Variants in NTNG1 observed in about 807,000 individuals in gnomAD.
NTNG1 encodes netrin-G1.
Under a neutral mutation model 54.0 loss-of-function variants are expected in NTNG1, and 16 were observed. The ratio of observed to expected loss-of-function variants is 0.30; its 90% CI spans 0.20 to 0.45. NTNG1 has a LOEUF of 0.45. Among genes scored for constraint, NTNG1 ranks in the 20% least tolerant of loss-of-function variants. NTNG1 has a pLI of 1.00. For synonymous variants in NTNG1, 255 were observed against 263.1 expected (o/e 0.97, Z 0.30); for missense variants, 530 against 678.7 (o/e 0.78, Z 2.43).
chr1:107,214,753 C>T (rs796916357), intron 2 of NTNG1, among the ~76,000 whole-genome samples: 7 of 149,840 alleles, frequency 4.7e-5, no homozygotes, highest in Admixed American at 1.3e-4. Flanking sequence ...CCACCAGCAG[C>T]GTAAAAGTGT....
At chr1:107,382,769 C>A (rs975204062) in intron 3 of NTNG1, among the ~76,000 whole-genome samples, 19 of 151,914 alleles carry the variant, frequency 1.3e-4, no homozygotes, top group Non-Finnish European at 8.8e-5. Flanking sequence ...CTTTTCCTCT[C>A]TCTCTCTCTC....
chr1:107,443,640 T>C (rs1048851022), intron 7 of NTNG1, among the ~76,000 whole-genome samples: 5 of 152,152 alleles, frequency 3.3e-5, no homozygotes, highest in Admixed American at 1.3e-4. Flanking sequence ...TTTGAATTCA[T>C]TGACAGGCAG....
At chr1:107,288,436 A>C (rs1232233625) in intron 2 of NTNG1, among the ~76,000 whole-genome samples, 3 of 152,184 alleles carry the variant, frequency 2.0e-5, no homozygotes, top group Non-Finnish European at 4.4e-5. Flanking sequence ...GGAAGCCAAG[A>C]AATATATAAC....
chr1:107,222,183 C>CTCT (rs993599980), intron 2 of NTNG1, among the ~76,000 whole-genome samples: 7 of 152,148 alleles, frequency 4.6e-5, no homozygotes, highest in African/African-American at 1.7e-4. Context: ...TGGATAGCTT[C>CTCT]TCTTCTGGGG....
intron 3 of NTNG1, among the ~76,000 whole-genome samples, chr1:107,386,179 C>CCT (rs1671986698): frequency 1.5e-5 from 1 of 65,340 alleles, no homozygotes; most frequent in African/African-American, 6.1e-5. Context: ...TTTTTTTTTT[C>CCT]TTCCTTTGAA....
Position 107,324,676 on chromosome 1 carries a change from A to G in NTNG1, c.641A>G (p.Tyr214Cys), listed in dbSNP as rs1367145143. 1 of 1,613,670 alleles carries G rather than the reference A, an allele frequency of 6.2e-7. No homozygotes were observed. The highest frequency in any genetic ancestry group is 8.5e-7 in the Non-Finnish European group (1 of 1,179,802). Residue 214 changes from tyrosine (Y) to cysteine (C), a missense_variant, in exon 3 of 8, where the codon TAT becomes TGT. By Grantham distance (194) the Tyr-to-Cys change is radical (BLOSUM62 -2). Around this residue, in one of 2 missense-constraint regions of NTNG1, gnomAD observed 318 missense variants for 465.1 expected, o/e 0.68. Transcript: ENST00000370068. ...TGCACAGAAGAGTACTCAACAGGGTATACAACAAATAGCAAAATAATCCAC... is the reference window on the plus strand; with the variant it reads ...TGCACAGAAGAGTACTCAACAGGGTGTACAACAAATAGCAAAATAATCCAC... ...IICTEEYSTG[Y>C]TTNSKIIHFE...
upstream of NTNG1, chr1:107,140,330 T>A (rs1212880206): frequency 6.5e-6 from 1 of 152,734 alleles, no homozygotes; most frequent in Non-Finnish European, 1.5e-5. Flanking sequence ...CGCTCCTCTT[T>A]CCGGCTCTCG....
chr1:107,283,461 G>A (rs140992700), intron 2 of NTNG1, among the ~76,000 whole-genome samples: 1 of 152,014 alleles, frequency 6.6e-6, no homozygotes, highest in East Asian at 1.9e-4. Context: ...AACCCACATG[G>A]GTTATGTTAG....
chr1:107,356,990 G>A (rs1168648124), intron 3 of NTNG1, among the ~76,000 whole-genome samples: 1 of 152,152 alleles, frequency 6.6e-6, no homozygotes, highest in Non-Finnish European at 1.5e-5. Context: ...GCAACAAGGT[G>A]AGACTCTGTC....
chr1:107,339,923 G>C (rs553330571), intron 3 of NTNG1, among the ~76,000 whole-genome samples: 1 of 152,152 alleles, frequency 6.6e-6, no homozygotes, highest in South Asian at 2.1e-4. Flanking sequence ...TGAGCTGACA[G>C]CTACTTCAAG....
Position 107,324,328 on chromosome 1 carries a change from A to C in NTNG1, c.293A>C (p.Glu98Ala). The change falls in exon 3 of 8, where the codon GAG (glutamate) becomes GCG (alanine). Residue 98 changes from glutamate (E) to alanine (A), a missense_variant. Physicochemically the swap from Glu to Ala is moderately radical, Grantham distance 107. Transcript: ENST00000370068. Reference sequence around the variant, plus strand: ...AATGAGTGTGATGCGAGTACCCCTGAGCTGGCACACCCCCCTGAGCTGATG... The same window carrying C: ...AATGAGTGTGATGCGAGTACCCCTGCGCTGGCACACCCCCCTGAGCTGATG... ...CNNECDASTP[E>A]LAHPPELMFD... The C allele has an allele frequency of 2.5e-6, 4 of 1,613,630 alleles. No homozygotes were observed. Among genetic ancestry groups the C allele is most frequent in the Non-Finnish European group, 3.4e-6 (4 of 1,179,740 alleles).
Position 107,358,827 on chromosome 1 carries a change from G to C in NTNG1, c.887+33905G>C, listed in dbSNP as rs756116904. ...GCTTTGGTGCCCCAGAAGTAAAAGA[G>C]TTTAGCTGTGATTAAAGGATTGAAG... On this transcript the variant is annotated intron_variant, in intron 3 of 7. Coordinates refer to ENST00000370068, the MANE Select transcript of NTNG1 (RefSeq NM_001113226.3). Among the ~76,000 whole-genome samples the C allele has an allele frequency of 2.0e-5, 3 of 152,180 alleles. No individual in the cohort carries two copies. The South Asian group carries it at 6.2e-4, about 31-fold the overall frequency.
intron 3 of NTNG1, among the ~76,000 whole-genome samples, chr1:107,374,918 T>G (rs1214853505): frequency 6.6e-6 from 1 of 152,204 alleles, no homozygotes; most frequent in Non-Finnish European, 1.5e-5. Context: ...CACAGTAGTC[T>G]AGGGTTAATT....
intron 2 of NTNG1, among the ~76,000 whole-genome samples, chr1:107,184,591 T>C (rs1657314043): frequency 6.6e-6 from 1 of 152,124 alleles, no homozygotes; most frequent in South Asian, 2.1e-4. Flanking sequence ...CCTGTATCAA[T>C]TTATATATCC....
chr1:107,412,807 T>C (rs1008719909), intron 5 of NTNG1, among the ~76,000 whole-genome samples: 9 of 152,204 alleles, frequency 5.9e-5, no homozygotes, highest in Admixed American at 3.3e-4. Context: ...AATGTATAGA[T>C]GTCAGGTATT....
chr1:107,407,668 T>C lies in NTNG1; in HGVS notation c.1061-14T>C. On this transcript the variant is annotated splice_polypyrimidine_tract_variant and intron_variant, in intron 4 of 7. Coordinates refer to ENST00000370068, the MANE Select transcript of NTNG1 (RefSeq NM_001113226.3). ...TAGCTAACAGCTTTTCTTTATTGTT[T>C]TCTTTTTCTCCAGGTATCCCCAGTA... 6.3e-7 allele frequency: 1 copy of C among 1,594,520 alleles called. No individual in the cohort carries two copies. Among genetic ancestry groups the C allele is most frequent in the South Asian group, 1.1e-5 (1 of 87,812 alleles).
At chr1:107,143,854 TC>T (rs1356477634) in intron 1 of NTNG1, among the ~76,000 whole-genome samples, 3 of 152,108 alleles carry the variant, frequency 2.0e-5, no homozygotes, top group Non-Finnish European at 4.4e-5. Flanking sequence ...TATCCCATCC[TC>T]AATCATCCTG....
In NTNG1 at chr1:107,191,208, G is replaced by A. The variant is rs529189651; in HGVS notation, c.246+42369G>A. Among the ~76,000 whole-genome samples, 593 of 152,138 alleles carry A rather than the reference G, an allele frequency of 3.9e-3. 15 individuals are homozygous for A. The highest frequency in any genetic ancestry group is 0.029 in the Admixed American group (442 of 15,278). ...ATGAGCATTTTTTCATGTGTCTGTT[G>A]GCTGCATAAATGTCTTCTTTTGAGA... On this transcript the variant is annotated intron_variant, in intron 2 of 7. Transcript: ENST00000370068.
At chr1:107,295,773 T>C (rs1328436042) in intron 2 of NTNG1, among the ~76,000 whole-genome samples, 1 of 152,046 alleles carries the variant, frequency 6.6e-6, no homozygotes, top group African/African-American at 2.4e-5. Flanking sequence ...CAGAAAAAAC[T>C]AGCTAAAGTA....
Sources: allele counts gnomAD v4.1 joint callset (sites outside exome capture counted in the v4.1 genomes callset), GRCh38; gene constraint gnomAD v4.1.1; regional missense constraint gnomAD v4.1.1; transcripts MANE v1.5; gene names NCBI Gene and HGNC (gene_info 2026-07-23, HGNC 2026-07-21).